Variants in TENM4 observed in about 807,000 individuals in gnomAD.
TENM4 encodes teneurin transmembrane protein 4, also known as teneurin-4.
Under a neutral mutation model 243.3 loss-of-function variants are expected in TENM4, and 82 were observed. That is an observed-to-expected ratio of 0.34 (90% CI 0.28 to 0.40). The LOEUF is 0.40. Among genes scored for constraint, TENM4 ranks in the 10% least tolerant of loss-of-function variants. The pLI, the probability that TENM4 is intolerant of heterozygous loss-of-function variation, is 1.00. For missense variants in TENM4, 3,138 were observed against 3,673.3 expected, an observed-to-expected ratio of 0.85 and a Z score of 3.77; for synonymous variants, 1,412 against 1,456.3, an observed-to-expected ratio of 0.97 and a Z score of 0.69.
intron 1 of TENM4, among the ~76,000 whole-genome samples, chr11:79,400,099 CCACA>C (rs71050221): frequency 0.15 from 20,497 of 140,508 alleles, 1,519 homozygotes; most frequent in South Asian, 0.2. Flanking sequence ...TAAACACACA[CCACA>C]CACACACACA....
chr11:78,881,363 A>G (rs900351676), intron 9 of TENM4, among the ~76,000 whole-genome samples: 2 of 152,022 alleles, frequency 1.3e-5, no homozygotes, highest in African/African-American at 4.8e-5. Context: ...GTTGGGTTCC[A>G]CCACCAGGAG....
intron 7 of TENM4, among the ~76,000 whole-genome samples, chr11:78,897,894 CA>C (rs960985532): frequency 2.0e-5 from 3 of 152,188 alleles, no homozygotes; most frequent in African/African-American, 7.2e-5. Context: ...AGTGTGACCA[CA>C]AAATGGACCC....
intron 16 of TENM4, among the ~76,000 whole-genome samples, chr11:78,783,012 C>A (rs1446537268): frequency 6.6e-6 from 1 of 152,102 alleles, no homozygotes; most frequent in African/African-American, 2.4e-5. Context: ...GCTTTAGAGT[C>A]AAGCTGGAAT....
chr11:78,701,498 C>A, intron 28 of TENM4, 28 bp downstream of exon 28: 7 of 1,533,136 alleles, frequency 4.6e-6, no homozygotes, highest in Non-Finnish European at 6.2e-6. Flanking sequence ...GAAACAAAAT[C>A]ATCAAATGGC....
intron 12 of TENM4, among the ~76,000 whole-genome samples, chr11:78,835,282 CAGATCACAAGGTCA>C: frequency 6.6e-6 from 1 of 152,186 alleles, no homozygotes. Context: ...CCGAGGTGGA[CAGATCACAAGGTCA>C]AGAGATCGAG....
chr11:79,320,493 C>T (rs552286575), intron 1 of TENM4, among the ~76,000 whole-genome samples: 4 of 152,142 alleles, frequency 2.6e-5, no homozygotes, highest in South Asian at 2.1e-4. Context: ...CTAGTCCTCA[C>T]GAGCAGCTCC....
chr11:79,186,066 G>A (rs1266786798), intron 3 of TENM4, among the ~76,000 whole-genome samples: 1 of 152,190 alleles, frequency 6.6e-6, no homozygotes, highest in Non-Finnish European at 1.5e-5. Context: ...ATGAAGTAAT[G>A]TGTCCAAGGT....
At chr11:79,409,097 TGTGTGCGCGC>T (rs1250713038) in intron 1 of TENM4, among the ~76,000 whole-genome samples, 94 of 104,826 alleles carry the variant, frequency 9.0e-4, no homozygotes, top group Admixed American at 5.7e-3. Flanking sequence ...TGTGTGTGTG[TGTGTGCGCGC>T]GCGCGCGTGC....
At chr11:79,394,113 T>C (rs146659415) in intron 1 of TENM4, among the ~76,000 whole-genome samples, 86 of 152,326 alleles carry the variant, frequency 5.6e-4, no homozygotes, top group Middle Eastern at 6.8e-3. Context: ...ACAGACTCAC[T>C]AAACCCTAGT....
chr11:78,921,036 G>A (rs1484689978), intron 6 of TENM4, among the ~76,000 whole-genome samples: 1 of 152,200 alleles, frequency 6.6e-6, no homozygotes, highest in Non-Finnish European at 1.5e-5. Flanking sequence ...CTGGGTCTCA[G>A]GGAAGTGAAG....
chr11:79,085,524 G>T (rs1307810292), intron 4 of TENM4, among the ~76,000 whole-genome samples: 1 of 152,082 alleles, frequency 6.6e-6, no homozygotes, highest in Non-Finnish European at 1.5e-5. Context: ...GTAAAATGGG[G>T]ATAGTATATA....
chr11:78,782,743 G>A (rs535821400), intron 16 of TENM4, among the ~76,000 whole-genome samples: 2 of 150,488 alleles, frequency 1.3e-5, no homozygotes, highest in East Asian at 1.9e-4. Context: ...TCCAGCATGC[G>A]CAACAGAGTG....
At chr11:78,989,437 A>G (rs1271501418) in intron 6 of TENM4, among the ~76,000 whole-genome samples, 2 of 152,226 alleles carry the variant, frequency 1.3e-5, no homozygotes, top group African/African-American at 4.8e-5. Flanking sequence ...GTTTAATCCC[A>G]GTAATCAAAT....
intron 6 of TENM4, among the ~76,000 whole-genome samples, chr11:78,961,744 C>T (rs1857326811): frequency 1.3e-5 from 2 of 151,746 alleles, no homozygotes; most frequent in African/African-American, 4.8e-5. Context: ...CAGTCCCTGG[C>T]ACAGAGTAGG....
At chr11:79,070,189 T>C (rs1860376097) in intron 4 of TENM4, among the ~76,000 whole-genome samples, 180 bp from the exon 5 acceptor site, 1 of 152,204 alleles carries the variant, frequency 6.6e-6, no homozygotes. Context: ...CCAGGACCTC[T>C]AATTACAAAT....
chr11:79,132,879 C>A (rs920093196), intron 4 of TENM4, among the ~76,000 whole-genome samples: 5 of 152,024 alleles, frequency 3.3e-5, no homozygotes, highest in South Asian at 2.1e-4. Context: ...GCCCTAAACA[C>A]CTACATCAAA....
chr11:79,020,072 C>T (rs1858886897), intron 6 of TENM4, among the ~76,000 whole-genome samples: 1 of 152,170 alleles, frequency 6.6e-6, no homozygotes, highest in Admixed American at 6.5e-5. Flanking sequence ...TTGCCCTTTC[C>T]CAAAACTCAT....
Position 78,931,934 on chromosome 11 carries a change from A to G in TENM4, c.494-28411T>C, listed in dbSNP as rs1413743252. On this transcript the variant is annotated intron_variant, in intron 6 of 33. Coordinates refer to ENST00000278550, the MANE Select transcript of TENM4 (RefSeq NM_001098816.3). ...CTTGAGCCTACGAATTTGAGGCTGC[A>G]GTGAGCCATGATTGCACCACTGCAC... Among the ~76,000 whole-genome samples the G allele has an allele frequency of 2.6e-5, 4 of 152,200 alleles. No individual in the cohort carries two copies. In the East Asian group the frequency reaches 7.7e-4, roughly 29 times the overall value.
In TENM4 at chr11:79,064,806, G is replaced by A. The variant is rs770086414; in HGVS notation, c.425C>T (p.Ser142Phe). 19 of 1,551,462 alleles carry A rather than the reference G, an allele frequency of 1.2e-5. No homozygotes were observed. The highest frequency in any genetic ancestry group is 1.7e-5 in the Non-Finnish European group (19 of 1,146,990). The change falls in exon 6 of 34, where the codon TCC (serine) becomes TTC (phenylalanine). Residue 142 changes from serine to phenylalanine, a missense_variant. Coordinates refer to ENST00000278550, the MANE Select transcript of TENM4 (RefSeq NM_001098816.3). ...GGAATTGGCCCGGCTGGACAGGCAG[G>A]AGCTGCGCCCTGACCGTGTGCTCCG... The part of the protein sequence containing the change: ...WGRSTRSGRS[S>F]CLSSRANSNL...
Sources: allele counts gnomAD v4.1 joint callset (sites outside exome capture counted in the v4.1 genomes callset), GRCh38; gene constraint gnomAD v4.1.1; transcripts MANE v1.5; gene names NCBI Gene and HGNC (gene_info 2026-07-23, HGNC 2026-07-21).